The following CDKL5 variants were observed in gnomAD, a reference collection of about 807,000 sequenced individuals.
CDKL5 encodes cyclin dependent kinase like 5.
CDKL5 carries 8 observed loss-of-function variants against 61.7 expected under a neutral mutation model. The observed-to-expected ratio is 0.13, with a 90% CI of 0.08 to 0.23. CDKL5 has a LOEUF of 0.23. Ranked by LOEUF, CDKL5 falls within the 10% of genes least tolerant of loss-of-function variation. The pLI, the probability that CDKL5 is intolerant of heterozygous loss-of-function variation, is 1.00. For synonymous variants in CDKL5, 275 were observed against 272.3 expected, an observed-to-expected ratio of 1.01 and a Z score of -0.10; for missense variants, 440 against 734.5, an observed-to-expected ratio of 0.60 and a Z score of 4.63.
intron 3 of CDKL5, among the ~76,000 whole-genome samples, chrX:18,514,504 C>A (rs1269746447): frequency 9.1e-6 from 1 of 110,253 alleles, no homozygotes; most frequent in Non-Finnish European, 1.9e-5. Context: ...GTGAGGAGTT[C>A]AAGATCAGCC....
intron 1 of CDKL5, among the ~76,000 whole-genome samples, chrX:18,469,375 G>A (rs770358739): frequency 9.9e-6 from 1 of 101,182 alleles, no homozygotes; most frequent in Admixed American, 1.1e-4. Flanking sequence ...ATAGCGGGGT[G>A]CAGTGGCTCA....
chrX:18,609,268 C>T (rs1242336582), intron 13 of CDKL5, among the ~76,000 whole-genome samples, 197 bp from the exon 14 acceptor site: 1 of 110,677 alleles, frequency 9.0e-6, no homozygotes, highest in African/African-American at 3.3e-5. Context: ...GCAGCGTGTG[C>T]CTGTAGTCCC....
At chrX:18,501,982 C>A (rs981038577) in intron 1 of CDKL5, among the ~76,000 whole-genome samples, 3 of 112,012 alleles carry the variant, frequency 2.7e-5, no homozygotes, top group Non-Finnish European at 3.8e-5. Flanking sequence ...TTAAATATTT[C>A]CTGAGTGTTC....
intron 1 of CDKL5, among the ~76,000 whole-genome samples, chrX:18,504,883 A>C (rs1922518841): frequency 9.5e-6 from 1 of 105,598 alleles, no homozygotes; most frequent in Admixed American, 1.0e-4. Flanking sequence ...CAGTGAGTCG[A>C]GATCGCGCCA....
chrX:18,620,953 T>C (rs1385742845), intron 16 of CDKL5, among the ~76,000 whole-genome samples: 3 of 111,764 alleles, frequency 2.7e-5, no homozygotes, highest in Non-Finnish European at 3.8e-5. Context: ...TTGCCCAGGC[T>C]GGTCTCGAAC....
intron 15 of CDKL5, among the ~76,000 whole-genome samples, chrX:18,614,158 C>T (rs1308428533): frequency 1.8e-5 from 2 of 111,673 alleles, no homozygotes; most frequent in African/African-American, 3.3e-5. Context: ...AACAGAAGGG[C>T]CTTATGTCAG....
chrX:18,630,015 G>A lies in CDKL5; in HGVS notation c.*1258G>A. On this transcript the variant is annotated 3_prime_UTR_variant, in exon 18 of 18. Transcript: ENST00000623535. Reference sequence around the variant, plus strand: ...GTCCCGGAGACTCTTGGCTGATGGGGTGTGAGATATATGTGTGGCATTTCT... The same window carrying A: ...GTCCCGGAGACTCTTGGCTGATGGGATGTGAGATATATGTGTGGCATTTCT... 2 of 753,993 alleles carry A rather than the reference G, an allele frequency of 2.7e-6. No individual in the cohort carries two copies. Among genetic ancestry groups the A allele is most frequent in the Non-Finnish European group, 1.6e-6 (1 of 639,164 alleles). The allele number at this position is 753,993 out of a possible 1,213,427, so 62.1% of individuals were successfully genotyped here.
At chrX:18,516,231 T>A (rs1923011244) in intron 3 of CDKL5, among the ~76,000 whole-genome samples, 1 of 110,333 alleles carries the variant, frequency 9.1e-6, no homozygotes, top group Admixed American at 9.7e-5. Flanking sequence ...CCTCAAGTGA[T>A]CAGCCTCCCA....
intron 6 of CDKL5, among the ~76,000 whole-genome samples, chrX:18,580,666 G>T (rs941789580): frequency 9.0e-6 from 1 of 111,583 alleles, no homozygotes; most frequent in Non-Finnish European, 1.9e-5. Context: ...TTCTTGCACT[G>T]GAGAGTTTTA....
Position 18,630,305 on chromosome X carries a change from G to T in CDKL5, c.*1548G>T, listed in dbSNP as rs770135331. The T allele has an allele frequency of 4.0e-6, 3 of 751,007 alleles. No homozygotes were observed. The East Asian group carries it at 4.6e-4, about 115-fold the overall frequency. The allele number at this position is 751,007 out of a possible 1,213,427, so 61.9% of individuals were successfully genotyped here. Reference sequence around the variant, plus strand: ...TGGCCATCAAGTGTTATCCTCCCATGCCTCTGGGTCATCCTTGAGGGAAGT... The same window carrying T: ...TGGCCATCAAGTGTTATCCTCCCATTCCTCTGGGTCATCCTTGAGGGAAGT... On this transcript the variant is annotated 3_prime_UTR_variant, in exon 18 of 18. Coordinates refer to ENST00000623535, the MANE Select transcript of CDKL5 (RefSeq NM_001323289.2).
chrX:18,488,069 A>T (rs1921855999), intron 1 of CDKL5, among the ~76,000 whole-genome samples: 1 of 111,913 alleles, frequency 8.9e-6, no homozygotes, highest in African/African-American at 3.2e-5. Flanking sequence ...ATTATGGAAC[A>T]GTAGAGGAAA....
chrX:18,524,024 T>TGA (rs1287984454), intron 3 of CDKL5, among the ~76,000 whole-genome samples: 1 of 111,756 alleles, frequency 8.9e-6, no homozygotes, highest in Non-Finnish European at 1.9e-5. Flanking sequence ...GTACCATCTG[T>TGA]GAATAGGGGT....
chrX:18,557,746 C>T (rs778763039), intron 3 of CDKL5, among the ~76,000 whole-genome samples: 3 of 111,655 alleles, frequency 2.7e-5, no homozygotes, highest in Non-Finnish European at 5.6e-5. Flanking sequence ...GTTGCTTTGC[C>T]AGAATCTTAA....
intron 15 of CDKL5, among the ~76,000 whole-genome samples, chrX:18,615,334 C>G (rs939313614): frequency 8.9e-6 from 1 of 112,048 alleles, no homozygotes; most frequent in Non-Finnish European, 1.9e-5. Flanking sequence ...TCATCAGATT[C>G]TTCATATTTG....
intron 4 of CDKL5, among the ~76,000 whole-genome samples, chrX:18,574,060 G>C (rs1249945080): frequency 1.8e-5 from 2 of 111,038 alleles, no homozygotes; most frequent in African/African-American, 6.6e-5. Flanking sequence ...GTAGGCTTCC[G>C]TGCCCCTATC....
intron 1 of CDKL5, among the ~76,000 whole-genome samples, chrX:18,460,134 C>T (rs376381939): frequency 8.1e-5 from 9 of 111,071 alleles, no homozygotes; most frequent in African/African-American, 2.0e-4. Flanking sequence ...CTCTTGACCT[C>T]GTGATCCGCC....
chrX:18,428,729 T>G (rs1931418796), intron 1 of CDKL5, among the ~76,000 whole-genome samples: 1 of 110,516 alleles, frequency 9.0e-6, no homozygotes, highest in Admixed American at 9.8e-5. Context: ...TAAAGTTTTT[T>G]TTTTTTTTTT....
intron 11 of CDKL5, among the ~76,000 whole-genome samples, chrX:18,603,617 T>G (rs1263095452): frequency 8.9e-6 from 1 of 112,337 alleles, no homozygotes; most frequent in Non-Finnish European, 1.9e-5. Context: ...AATGAGAGTA[T>G]GTTTTACCAG....
Position 18,604,496 on chromosome X carries a change from G to A in CDKL5, c.1572G>A (p.Leu524=). 1 of 1,211,617 alleles carries A rather than the reference G, an allele frequency of 8.3e-7. No homozygotes were observed. The highest frequency in any genetic ancestry group is 1.1e-6 in the Non-Finnish European group (1 of 895,521). Residue 524 remains leucine (L), a synonymous_variant, in exon 12 of 18, where the codon TTG becomes TTA. Transcript: ENST00000623535. ...ACTTCCCATCTAGCTGCTTAGACTTGAATTCTCCCACCAGCCCAACCCCCA... is the reference window on the plus strand; with the variant it reads ...ACTTCCCATCTAGCTGCTTAGACTTAAATTCTCCCACCAGCCCAACCCCCA... ...SRYFPSSCLD[L]NSPTSPTPTR...
Sources: allele counts gnomAD v4.1 joint callset (sites outside exome capture counted in the v4.1 genomes callset), GRCh38; gene constraint gnomAD v4.1.1; transcripts MANE v1.5; gene names NCBI Gene and HGNC (gene_info 2026-07-23, HGNC 2026-07-21).